DMAP1: variants seen among roughly 807,000 people sequenced by gnomAD.
DMAP1 encodes DNA methyltransferase 1-associated protein 1.
DMAP1 carries 26 observed loss-of-function variants against 52.7 expected under a neutral mutation model. That is an observed-to-expected ratio of 0.49 (90% CI 0.36 to 0.68). The LOEUF is 0.68. Ranked by LOEUF, DMAP1 falls within the 30% of genes least tolerant of loss-of-function variation. The pLI, the probability that DMAP1 is intolerant of heterozygous loss-of-function variation, is 0.00. For missense variants in DMAP1, 439 were observed against 625.2 expected (o/e 0.70, Z 3.18); for synonymous variants, 231 against 246.0 (o/e 0.94, Z 0.57).
rs764266142 is a variant in DMAP1, at chr1:44,218,264, A to G, written c.394-47A>G. 1 of 1,613,828 alleles carries G rather than the reference A, an allele frequency of 6.2e-7. No homozygotes were observed. On this transcript the variant is annotated intron_variant, in intron 3 of 9. Coordinates refer to ENST00000372289, the MANE Select transcript of DMAP1 (RefSeq NM_019100.5). This position sits in a 1 kb window ranked among gnomAD's most constrained non-coding sequence, Gnocchi z 5.6. The stretch of plus-strand genomic sequence containing the variant: ...CACTGGGGCCTGGAGCCTGCTGGAC[A>G]TGACATCATGCGGGCATGCCCCTAC...
chr1:44,218,925 T>C lies in DMAP1; in HGVS notation c.721-131T>C. On this transcript the variant is annotated intron_variant, in intron 5 of 9. Transcript: ENST00000372289. This position sits in a 1 kb window ranked among gnomAD's most constrained non-coding sequence, Gnocchi z 5.6. ...CATGGGCCATCCCCCCTGCTTTTCA[T>C]AGCCCTTCACCTCCCTCATGATCCA... The C allele has an allele frequency of 7.0e-7, 1 of 1,423,048 alleles. No homozygotes were observed. Among genetic ancestry groups the C allele is most frequent in the South Asian group, 1.3e-5 (1 of 74,174 alleles). 88.2% of individuals were successfully genotyped at this position (1,423,048 alleles called of 1,614,324 possible). A position where few individuals can be genotyped will look rare whatever the true frequency, so the allele number is the denominator to read the frequency against.
At position 44,214,724 on chromosome 1, in the gene DMAP1, C is replaced by T; in HGVS notation, c.219C>T (p.Pro73=). ...CCAGGGATGCACCCCCACTGCTACC[C>T]AGTGACACTGGCCAGGGATACCGTA... is the stretch of plus-strand genomic sequence containing the variant. ...SDKKDAPPLL[P]SDTGQGYRTV... Residue 73 remains proline (P), a synonymous_variant, in exon 3 of 10, where the codon CCC becomes CCT. Transcript: ENST00000372289. 6.2e-7 allele frequency: 1 copy of T among 1,611,962 alleles called. No homozygotes were observed. Among genetic ancestry groups the T allele is most frequent in the South Asian group, 1.1e-5 (1 of 91,034 alleles).
Position 44,218,535 on chromosome 1 carries a change from T to A in DMAP1, c.553-53T>A, listed in dbSNP as rs749397742. On this transcript the variant is annotated intron_variant, in intron 4 of 9. Transcript: ENST00000372289. This position sits in a 1 kb window ranked among gnomAD's most constrained non-coding sequence, Gnocchi z 5.6. Reference sequence around the variant, plus strand: ...TCTAGCAGGCCCTACTTTTATGCCATCTCTTCCACATGCCCCTGAATGTTC... The same window carrying A: ...TCTAGCAGGCCCTACTTTTATGCCAACTCTTCCACATGCCCCTGAATGTTC... 2.5e-6 allele frequency: 4 copies of A among 1,608,532 alleles called. No homozygotes were observed. The highest frequency in any genetic ancestry group is 3.4e-6 in the Non-Finnish European group (4 of 1,175,670).
Position 44,218,638 on chromosome 1 carries a change from GC to G in DMAP1, c.604del (p.Ala203ProfsTer69). On this transcript the variant is annotated frameshift_variant, in exon 5 of 10. Transcript: ENST00000372289. LOFTEE classifies it high-confidence loss of function. The surrounding 1 kb of genome is among the most constrained non-coding windows in gnomAD (Gnocchi z 5.6). ...KERYYHICAK[L>X]ANVRAVPGTD... Reference sequence around the variant, plus strand: ...AGCGGTACTACCACATCTGTGCTAAGCTTGCCAACGTGCGGGCTGTGCCAGG... The same window carrying G: ...AGCGGTACTACCACATCTGTGCTAAGTTGCCAACGTGCGGGCTGTGCCAGG... The G allele has an allele frequency of 6.2e-7, 1 of 1,613,886 alleles. No homozygotes were observed. Among genetic ancestry groups the G allele is most frequent in the Non-Finnish European group, 8.5e-7 (1 of 1,179,852 alleles).
chr1:44,215,178 T>G (rs1055498745), intron 3 of DMAP1: 2 of 574,834 alleles, frequency 3.5e-6, no homozygotes, highest in African/African-American at 3.7e-5. Flanking sequence ...TGCTCTAGTC[T>G]TCTTGTTCTC....
At chr1:44,219,547 C>CT (rs1643867602) in intron 7 of DMAP1, 70 bp downstream of exon 7, 1 of 1,450,668 alleles carries the variant, frequency 6.9e-7, no homozygotes, top group African/African-American at 1.4e-5. Context: ...GTCCCAAACG[C>CT]TGCAGGCAGG....
At position 44,217,644 on chromosome 1, in the gene DMAP1, G is replaced by A. The variant is rs557462169; in HGVS notation, c.394-667G>A. On this transcript the variant is annotated intron_variant, in intron 3 of 9. Transcript: ENST00000372289. ...CTCCAGTAGGAGATGTCCAAAAGGCGACCAGTTTTGGAGCTGGTTGTGGTC... is the reference window on the plus strand; with the variant it reads ...CTCCAGTAGGAGATGTCCAAAAGGCAACCAGTTTTGGAGCTGGTTGTGGTC... 3.5e-4 allele frequency: 56 copies of A among 160,780 alleles called. No individual in the cohort carries two copies. In the South Asian group the frequency reaches 8.8e-3, roughly 25 times the overall value. The allele number at this position is 160,780 out of a possible 1,614,324, so 10.0% of individuals were successfully genotyped here.
intron 8 of DMAP1, 56 bp downstream of exon 8, chr1:44,219,934 G>A (rs1311417964): frequency 1.9e-6 from 3 of 1,613,130 alleles, no homozygotes; most frequent in African/African-American, 1.3e-5. Flanking sequence ...GTGGATATAG[G>A]TTGGGCAGGG....
rs1643875653 is a variant in DMAP1, at chr1:44,220,031, C to G, written c.1066C>G (p.Pro356Ala). ...LELGVELSPT[P>A]TEELVHMFNE... ...CCTGCCTGCAGAGCTGAGCCCGACA[C>G]CTACGGAGGAGCTGGTGCACATGTT... The change falls in exon 9 of 10, where the codon CCT becomes GCT. Residue 356 changes from proline to alanine, a missense_variant. By Grantham distance (27) the Pro-to-Ala change is conservative. Coordinates refer to ENST00000372289, the MANE Select transcript of DMAP1 (RefSeq NM_019100.5). 6.2e-7 allele frequency: 1 copy of G among 1,600,036 alleles called. No homozygotes were observed.
At chr1:44,217,816 T>A (rs1166702058) in intron 3 of DMAP1, 1 of 225,968 alleles carries the variant, frequency 4.4e-6, no homozygotes, top group Non-Finnish European at 9.0e-6. Flanking sequence ...GGGCTGCGTA[T>A]GTTGGTAGTA....
intron 3 of DMAP1, chr1:44,217,723 G>C (rs1643822820): frequency 5.2e-6 from 1 of 193,304 alleles, no homozygotes. Flanking sequence ...CTCCTTCCTT[G>C]GGTCTCTGAC....
intron 2 of DMAP1, 75 bp downstream of exon 2, chr1:44,214,516 T>C (rs1221242057): frequency 2.5e-6 from 4 of 1,613,254 alleles, no homozygotes; most frequent in Non-Finnish European, 3.4e-6. Context: ...CCTAGTTTTC[T>C]CTAACAATTT....
chr1:44,217,744 C>T (rs1034863942), intron 3 of DMAP1: 8 of 197,794 alleles, frequency 4.0e-5, no homozygotes, highest in Non-Finnish European at 6.4e-5. Flanking sequence ...AGACTCAGCT[C>T]GTGGTAGTGC....
intron 1 of DMAP1, 75 bp from the exon 2 acceptor site, chr1:44,214,275 A>G: frequency 7.2e-7 from 1 of 1,385,544 alleles, no homozygotes; most frequent in Admixed American, 1.7e-5. Context: ...TGCTTTGTTC[A>G]GGGATTGAGC....
chr1:44,219,325 C>T (rs1482182908), intron 6 of DMAP1, 81 bp from the exon 7 acceptor site: 19 of 1,556,882 alleles, frequency 1.2e-5, no homozygotes, highest in Non-Finnish European at 1.6e-5. Context: ...TCTGAGAGTA[C>T]CCAGTGCTGA....
chr1:44,214,745 C>T lies in DMAP1; in HGVS notation c.240C>T (p.Tyr80=), dbSNP rs940092247. The change falls in exon 3 of 10, where the codon TAC becomes TAT. Residue 80 remains tyrosine, a synonymous_variant. Coordinates refer to ENST00000372289, the MANE Select transcript of DMAP1 (RefSeq NM_019100.5). Reference sequence around the variant, plus strand: ...TACCCAGTGACACTGGCCAGGGATACCGTACAGTGAAGGCCAAGTTGGGCT... The same window carrying T: ...TACCCAGTGACACTGGCCAGGGATATCGTACAGTGAAGGCCAAGTTGGGCT... The part of the protein sequence containing the change: ...PLLPSDTGQG[Y]RTVKAKLGSK... The T allele has an allele frequency of 5.6e-6, 9 of 1,613,752 alleles. No individual in the cohort carries two copies. The highest frequency in any genetic ancestry group is 6.8e-6 in the Non-Finnish European group (8 of 1,179,836).
At chr1:44,215,248 AGCAGTGCTTCCTTC>A in intron 3 of DMAP1, 2 of 481,096 alleles carry the variant, frequency 4.2e-6, no homozygotes, top group Non-Finnish European at 8.2e-6. Context: ...ACCAATCCAG[AGCAGTGCTTCCTTC>A]GCATCCAGTC....
chr1:44,219,209 A>C lies in DMAP1; in HGVS notation c.874A>C (p.Lys292Gln). Residue 292 changes from lysine to glutamine, a missense_variant, in exon 6 of 10, where the codon AAG becomes CAG. Around this residue, in one of 3 missense-constraint regions of DMAP1, gnomAD observed 179 missense variants for 285.9 expected, o/e 0.63. Coordinates refer to ENST00000372289, the MANE Select transcript of DMAP1 (RefSeq NM_019100.5). Reference sequence around the variant, plus strand: ...CACGGAACGCAAGGCCCCCAAAAAGAAGCTACCCCAGAAAAAGGAGGCTGA... The same window carrying C: ...CACGGAACGCAAGGCCCCCAAAAAGCAGCTACCCCAGAAAAAGGAGGCTGA... ...RRTERKAPKK[K>Q]LPQKKEAEKP... is the part of the protein sequence containing the mutation. 6.2e-7 allele frequency: 1 copy of C among 1,613,608 alleles called. No individual in the cohort carries two copies. Among genetic ancestry groups the C allele is most frequent in the Non-Finnish European group, 8.5e-7 (1 of 1,179,910 alleles).
rs1266315416 is a variant in DMAP1, at chr1:44,218,559, T to C, written c.553-29T>C. ...ATCTCTTCCACATGCCCCTGAATGT[T>C]CATTCCTCTACCCTGTCTTGCTCCT... On this transcript the variant is annotated intron_variant, in intron 4 of 9. Transcript: ENST00000372289. The surrounding 1 kb of genome is among the most constrained non-coding windows in gnomAD (Gnocchi z 5.6). 2 of 1,608,158 alleles carry C rather than the reference T, an allele frequency of 1.2e-6. No individual in the cohort carries two copies. Among genetic ancestry groups the C allele is most frequent in the Admixed American group, 3.3e-5 (2 of 59,802 alleles).
Sources: gnomAD v4.1 joint callset for allele counts on GRCh38, gnomAD v4.1.1 for gene constraint, gnomAD v4.1.1 regional missense constraint, Gnocchi (gnomAD v3.1) non-coding constraint, MANE v1.5 for transcripts, NCBI Gene and HGNC (gene_info 2026-07-23, HGNC 2026-07-21) for gene names.